ADTRP: variants seen among roughly 807,000 people sequenced by gnomAD.
ADTRP encodes androgen-dependent TFPI-regulating protein.
A neutral mutation model predicts 27.0 loss-of-function variants in ADTRP; 20 were observed. The observed-to-expected ratio is 0.74, with a 90% confidence interval of 0.52 to 1.08. ADTRP has a LOEUF of 1.08. ADTRP is among the 50% of genes least tolerant of loss of function. The probability of loss-of-function intolerance (pLI) is 0.00; values close to 1 mark genes in which losing one functional copy is unlikely to be tolerated. For synonymous variants in ADTRP, 101 were observed against 105.2 expected, an observed-to-expected ratio of 0.96 and a Z score of 0.25; for missense variants, 251 against 275.0, an observed-to-expected ratio of 0.91 and a Z score of 0.62.
intron 3 of ADTRP, among the ~76,000 whole-genome samples, chr6:11,751,920 A>G (rs555969559): frequency 1.3e-5 from 2 of 152,218 alleles, no homozygotes; most frequent in Non-Finnish European, 2.9e-5. Flanking sequence ...CGATCTAGCC[A>G]TGGTTTCTTT....
intron 3 of ADTRP, among the ~76,000 whole-genome samples, chr6:11,746,001 G>A (rs1762855379): frequency 6.6e-6 from 1 of 152,172 alleles, no homozygotes; most frequent in African/African-American, 2.4e-5. Context: ...ATGTTGGCCA[G>A]GCTGGTCTCG....
At chr6:11,729,276 G>A (rs541264232) in intron 4 of ADTRP, among the ~76,000 whole-genome samples, 1 of 152,242 alleles carries the variant, frequency 6.6e-6, no homozygotes, top group African/African-American at 2.4e-5. Flanking sequence ...AGGCTAGAGT[G>A]TTAGTCAAAT....
intron 3 of ADTRP, among the ~76,000 whole-genome samples, chr6:11,761,151 C>T (rs1011201410): frequency 7.2e-5 from 11 of 152,156 alleles, no homozygotes; most frequent in Non-Finnish European, 1.6e-4. Flanking sequence ...TGGCTGTTTC[C>T]TTCACCCTAT....
intron 3 of ADTRP, among the ~76,000 whole-genome samples, chr6:11,754,413 G>A (rs948608603): frequency 6.6e-6 from 1 of 152,180 alleles, no homozygotes; most frequent in Non-Finnish European, 1.5e-5. Context: ...CTATATAAAT[G>A]GACTTGGATC....
chr6:11,752,565 G>A (rs1763092278), intron 3 of ADTRP, among the ~76,000 whole-genome samples: 1 of 152,168 alleles, frequency 6.6e-6, no homozygotes, highest in Non-Finnish European at 1.5e-5. Context: ...GGTGATTCAT[G>A]GGAGCTCACC....
chr6:11,778,641 C>A lies in ADTRP; in HGVS notation c.119G>T (p.Gly40Val), dbSNP rs772848872. The change falls in exon 1 of 6, where the codon GGT becomes GTT. Residue 40 changes from glycine to valine, a missense_variant. By Grantham distance (109) the Gly-to-Val change is moderately radical (BLOSUM62 -3). Transcript: ENST00000414691. ...DEVKPKILAN[G>V]ARWKYMTLLN... ...CAGCGTCATATATTTCCACCTTGCA[C>A]CATTTGCCAAGATTTTGGGTTTCAC... 2.5e-6 allele frequency: 4 copies of A among 1,614,200 alleles called. No homozygotes were observed. The highest frequency in any genetic ancestry group is 3.4e-6 in the Non-Finnish European group (4 of 1,180,044).
intron 1 of ADTRP, among the ~76,000 whole-genome samples, chr6:11,774,944 A>T (rs1370295200): frequency 1.3e-5 from 2 of 152,192 alleles, no homozygotes; most frequent in Non-Finnish European, 2.9e-5. Flanking sequence ...CACCCATGGC[A>T]CTGCCTTGGT....
At position 11,735,480 on chromosome 6, in the gene ADTRP, G is replaced by A. The variant is rs1762517443; in HGVS notation, c.506+88C>T. 7 of 866,950 alleles carry A rather than the reference G, an allele frequency of 8.1e-6. No individual in the cohort carries two copies. The South Asian group carries it at 1.2e-4, about 15-fold the overall frequency. The allele number at this position is 866,950 out of a possible 1,614,324, so 53.7% of individuals were successfully genotyped here. ...AATCCTTATTAAACCAAGATAAAGG[G>A]ATTCTGACAGAACAGTACACATTTC... On this transcript the variant is annotated intron_variant, in intron 4 of 5. Coordinates refer to ENST00000414691, the MANE Select transcript of ADTRP (RefSeq NM_032744.4).
intron 3 of ADTRP, among the ~76,000 whole-genome samples, chr6:11,738,930 G>A (rs968631854): frequency 2.0e-5 from 3 of 152,074 alleles, no homozygotes; most frequent in South Asian, 2.1e-4. Flanking sequence ...AATATTGAGC[G>A]GCAGTGAAGA....
At chr6:11,734,706 A>ACTCT (rs200988424) in intron 4 of ADTRP, among the ~76,000 whole-genome samples, 4 of 149,896 alleles carry the variant, frequency 2.7e-5, no homozygotes, top group East Asian at 2.0e-4. Context: ...TTTGGAATGC[A>ACTCT]CTCTCTCTCT....
chr6:11,717,210 C>A (rs371451631), intron 5 of ADTRP: 1 of 1,174,188 alleles, frequency 8.5e-7, no homozygotes, highest in Non-Finnish European at 1.1e-6. Context: ...TCCTAGTTGG[C>A]AGATAGGAAG....
intron 1 of ADTRP, among the ~76,000 whole-genome samples, chr6:11,772,381 T>C (rs963996317): frequency 1.6e-4 from 25 of 152,390 alleles, no homozygotes; most frequent in African/African-American, 5.5e-4. Context: ...TACATTCATG[T>C]GTTTTCACAA....
At position 11,763,098 on chromosome 6, in the gene ADTRP, G is replaced by A. The variant is rs557382652; in HGVS notation, c.390+3176C>T. On this transcript the variant is annotated intron_variant, in intron 3 of 5. Transcript: ENST00000414691. ...ACTTTAATTAAGGTGCCCTGTCCAC[G>A]GTGGATGCAAATATCTCACTGATGT... Among the ~76,000 whole-genome samples the A allele has an allele frequency of 3.9e-5, 6 of 152,324 alleles. No individual in the cohort carries two copies. In the East Asian group the frequency reaches 1.2e-3, roughly 29 times the overall value.
intron 3 of ADTRP, among the ~76,000 whole-genome samples, chr6:11,750,075 G>A (rs1165453456): frequency 6.6e-6 from 1 of 152,196 alleles, no homozygotes; most frequent in Non-Finnish European, 1.5e-5. Context: ...TCAGAAAATT[G>A]CTCAAGCAGC....
intron 1 of ADTRP, among the ~76,000 whole-genome samples, chr6:11,774,960 G>A (rs745996487): frequency 1.3e-5 from 2 of 152,166 alleles, no homozygotes; most frequent in Non-Finnish European, 1.5e-5. Context: ...TTGGTCTCAC[G>A]CCTAGCCTCT....
At chr6:11,771,536 C>G (rs552612244) in intron 1 of ADTRP, among the ~76,000 whole-genome samples, 1 of 152,294 alleles carries the variant, frequency 6.6e-6, no homozygotes, top group African/African-American at 2.4e-5. Context: ...CCCACCCGAA[C>G]GGTCTGCTTA....
At chr6:11,766,855 T>C (rs1763589396) in intron 2 of ADTRP, among the ~76,000 whole-genome samples, 1 of 152,198 alleles carries the variant, frequency 6.6e-6, no homozygotes, top group South Asian at 2.1e-4. Context: ...ATGCACAAGC[T>C]AGCTGACTGA....
intron 4 of ADTRP, among the ~76,000 whole-genome samples, chr6:11,733,744 A>C (rs1050264518): frequency 6.6e-6 from 1 of 152,178 alleles, no homozygotes; most frequent in African/African-American, 2.4e-5. Flanking sequence ...ATGCACTTGT[A>C]CCTGGCTCCC....
intron 3 of ADTRP, among the ~76,000 whole-genome samples, chr6:11,755,579 T>C (rs764849580): frequency 6.6e-6 from 1 of 152,216 alleles, no homozygotes; most frequent in Non-Finnish European, 1.5e-5. Flanking sequence ...GGCTTTATTG[T>C]GATTATTCAG....
Sources: allele counts gnomAD v4.1 joint callset (sites outside exome capture counted in the v4.1 genomes callset), GRCh38; gene constraint gnomAD v4.1.1; transcripts MANE v1.5; gene names NCBI Gene and HGNC (gene_info 2026-07-23, HGNC 2026-07-21).